The following SEMA4D variants were observed in gnomAD, a reference collection of about 807,000 sequenced individuals.
SEMA4D encodes the protein semaphorin 4D, also known as semaphorin-4D.
In SEMA4D, 22 loss-of-function variants were observed where a neutral mutation model predicts 74.8. The observed-to-expected ratio is 0.29, with a 90% confidence interval of 0.21 to 0.42. The LOEUF (loss-of-function observed/expected upper bound fraction) is 0.42. Ranked by LOEUF, SEMA4D falls within the 10% of genes least tolerant of loss-of-function variation. The pLI is 1.00. For missense variants in SEMA4D, 937 were observed against 1,118.4 expected, an observed-to-expected ratio of 0.84 and a Z score of 2.31; for synonymous variants, 445 against 463.7, an observed-to-expected ratio of 0.96 and a Z score of 0.52.
At chr9:89,474,096 C>G (rs1426971345) in intron 1 of SEMA4D, among the ~76,000 whole-genome samples, 1 of 152,130 alleles carries the variant, frequency 6.6e-6, no homozygotes, top group Non-Finnish European at 1.5e-5. Context: ...CAAAGGAGTT[C>G]CAGCCACTCT....
chr9:89,409,500 G>C (rs548019455), intron 2 of SEMA4D, among the ~76,000 whole-genome samples: 3 of 152,118 alleles, frequency 2.0e-5, no homozygotes, highest in Middle Eastern at 3.2e-3. Flanking sequence ...GTGCATGTGT[G>C]GGGAAGGAGC....
At chr9:89,471,023 A>G (rs1299128706) in intron 1 of SEMA4D, among the ~76,000 whole-genome samples, 2 of 152,276 alleles carry the variant, frequency 1.3e-5, no homozygotes, top group African/African-American at 4.8e-5. Flanking sequence ...TGAGATAATC[A>G]TTCTTACTGT....
downstream of SEMA4D, among the ~76,000 whole-genome samples, chr9:89,372,772 G>A (rs565573327): frequency 2.0e-5 from 3 of 152,108 alleles, no homozygotes; most frequent in South Asian, 4.1e-4. Context: ...CATGCTTGGG[G>A]TGACACCATG....
intron 13 of SEMA4D, chr9:89,386,100 G>A: frequency 3.0e-6 from 3 of 984,832 alleles, no homozygotes; most frequent in East Asian, 2.3e-4. Context: ...TCCACAGCCT[G>A]TAAAGCTGCA....
At chr9:89,401,300 G>A (rs1389209212) in intron 4 of SEMA4D, among the ~76,000 whole-genome samples, 2 of 152,082 alleles carry the variant, frequency 1.3e-5, no homozygotes, top group Admixed American at 6.5e-5. Context: ...CAAGTAATCC[G>A]CCTACCTCGA....
In SEMA4D at chr9:89,379,234, C is replaced by G. The variant is rs200127158; in HGVS notation, c.2059G>C (p.Val687Leu). The change falls in exon 16 of 16, where the codon GTG becomes CTG. Residue 687 changes from valine (V) to leucine (L), a missense_variant. Coordinates refer to ENST00000422704, the MANE Select transcript of SEMA4D (RefSeq NM_001371194.2). ...ATGGCCCCGGAGGAGGTGGCCTGCACGGCTGGGGTTGGGGGAGAAGACCCT... is the reference window on the plus strand; with the variant it reads ...ATGGCCCCGGAGGAGGTGGCCTGCAGGGCTGGGGTTGGGGGAGAAGACCCT... Reference protein sequence around the residue: ...TQGSSPPTPAVQATSSGAITL... With the variant: ...TQGSSPPTPALQATSSGAITL... 26 of 1,613,770 alleles carry G rather than the reference C, an allele frequency of 1.6e-5. No homozygotes were observed. The highest frequency in any genetic ancestry group is 5.0e-5 in the Admixed American group (3 of 59,996).
chr9:89,370,498 T>C (rs1834408376), intron 16 of SEMA4D, among the ~76,000 whole-genome samples: 2 of 146,702 alleles, frequency 1.4e-5, no homozygotes, highest in Admixed American at 1.3e-4. Context: ...GAAGGAGGTA[T>C]GGTGTGTGTG....
chr9:89,364,063 TG>T (rs1833187258), intron 16 of SEMA4D: 1 of 1,593,968 alleles, frequency 6.3e-7, no homozygotes, highest in Non-Finnish European at 8.5e-7. Context: ...TGAAGTGACT[TG>T]GGACAACTTC....
At chr9:89,412,049 C>T (rs1308591004) in intron 2 of SEMA4D, among the ~76,000 whole-genome samples, 1 of 152,120 alleles carries the variant, frequency 6.6e-6, no homozygotes, top group African/African-American at 2.4e-5. Context: ...CTGGCTCCAT[C>T]CCACAGTCAC....
At chr9:89,449,826 TC>T in intron 2 of SEMA4D, 2 of 1,502,202 alleles carry the variant, frequency 1.3e-6, no homozygotes, top group East Asian at 2.3e-5. Context: ...ATGTCACTTC[TC>T]CCCTTTGAAG....
chr9:89,376,019 G>C (rs1279022824), downstream of SEMA4D, among the ~76,000 whole-genome samples: 1 of 152,068 alleles, frequency 6.6e-6, no homozygotes, highest in Non-Finnish European at 1.5e-5. Context: ...ACATTTTTGG[G>C]TAGAGATCAG....
At chr9:89,480,705 G>A (rs1824553226) in intron 1 of SEMA4D, among the ~76,000 whole-genome samples, 2 of 152,240 alleles carry the variant, frequency 1.3e-5, no homozygotes, top group African/African-American at 4.8e-5. Context: ...CTGGCTGGCT[G>A]CTCCGAGTGC....
At chr9:89,422,702 T>A (rs1847237542) in intron 2 of SEMA4D, among the ~76,000 whole-genome samples, 1 of 152,246 alleles carries the variant, frequency 6.6e-6, no homozygotes, top group Non-Finnish European at 1.5e-5. Flanking sequence ...AATTCATTTT[T>A]CTTTAACCAC....
chr9:89,383,276 AC>A, intron 13 of SEMA4D, among the ~76,000 whole-genome samples: 2 of 151,950 alleles, frequency 1.3e-5, no homozygotes, highest in East Asian at 3.9e-4. Flanking sequence ...ACTCTCCCCC[AC>A]CCCCAGTGTG....
chr9:89,385,866 G>GGGGGGGGGGGCCCCCCCCCCCCCCC, intron 13 of SEMA4D: 1 of 196,226 alleles, frequency 5.1e-6, no homozygotes, highest in Non-Finnish European at 9.0e-6. Context: ...CAGCGTGGAT[G>GGGGGGGGGGGCCCCCCCCCCCCCCC]CCCGCCCACC....
intron 1 of SEMA4D, among the ~76,000 whole-genome samples, chr9:89,456,226 C>T (rs1413016135): frequency 1.3e-5 from 2 of 152,206 alleles, no homozygotes; most frequent in Non-Finnish European, 2.9e-5. Flanking sequence ...TCTCTCTCCT[C>T]CCCTCTGCTC....
At chr9:89,377,057 A>G (rs1835902079), downstream of SEMA4D, 2 of 1,530,024 alleles carry the variant, frequency 1.3e-6, no homozygotes, top group Non-Finnish European at 1.8e-6. Context: ...CGAGGCTGTG[A>G]GACAGAGAGG....
At chr9:89,491,881 G>C (rs1372787932) in intron 1 of SEMA4D, among the ~76,000 whole-genome samples, 1 of 152,064 alleles carries the variant, frequency 6.6e-6, no homozygotes, top group African/African-American at 2.4e-5. Flanking sequence ...GGGGCCAAGA[G>C]GAGGCACAGC....
chr9:89,491,589 C>T (rs908504468), intron 1 of SEMA4D, among the ~76,000 whole-genome samples: 2 of 151,906 alleles, frequency 1.3e-5, no homozygotes, highest in Non-Finnish European at 2.9e-5. Flanking sequence ...ACAACAACAA[C>T]AACAACAACA....
Sources: gnomAD v4.1 joint callset for allele counts (sites outside exome capture counted in the v4.1 genomes callset) on GRCh38, gnomAD v4.1.1 for gene constraint, MANE v1.5 for transcripts, NCBI Gene and HGNC (gene_info 2026-07-23, HGNC 2026-07-21) for gene names.